IFT140: variants seen among roughly 807,000 people sequenced by gnomAD.
The protein encoded by IFT140 is intraflagellar transport protein 140 homolog.
In IFT140, 133 loss-of-function variants were observed where a neutral mutation model predicts 164.6. That is an observed-to-expected ratio of 0.81 (90% confidence interval 0.70 to 0.93). The LOEUF (loss-of-function observed/expected upper bound fraction) is 0.93, where lower values mean the gene tolerates loss of function less well. IFT140 is among the 40% of genes least tolerant of loss of function. The pLI, the probability that IFT140 is intolerant of heterozygous loss-of-function variation, is 0.00. For missense variants in IFT140, 2,045 were observed against 1,972.3 expected, an observed-to-expected ratio of 1.04 and a Z score of -0.70; for synonymous variants, 860 against 817.3, an observed-to-expected ratio of 1.05 and a Z score of -0.89.
intron 29 of IFT140, 116 bp downstream of exon 29, chr16:1,519,765 C>G: frequency 1.0e-6 from 1 of 998,412 alleles, no homozygotes; most frequent in African/African-American, 1.6e-5. Flanking sequence ...TAGTGCTGTC[C>G]CAAGTGAGCT....
intron 30 of IFT140, chr16:1,512,960 G>A (rs996106689): frequency 2.6e-5 from 4 of 152,256 alleles, no homozygotes; most frequent in Non-Finnish European, 5.9e-5. Context: ...CCCTGAGGGA[G>A]AGCCACTGCC....
intron 3 of IFT140, among the ~76,000 whole-genome samples, chr16:1,604,993 C>T (rs1225812675): frequency 1.3e-5 from 2 of 152,116 alleles, no homozygotes; most frequent in Non-Finnish European, 2.9e-5. Flanking sequence ...CTCCTTGAAA[C>T]ACCCTAGAGA....
At chr16:1,593,655 C>T (rs1333438051) in intron 4 of IFT140, among the ~76,000 whole-genome samples, 1 of 152,084 alleles carries the variant, frequency 6.6e-6, no homozygotes, top group East Asian at 1.9e-4. Context: ...TGGGATGCCC[C>T]TCCACTGGGA....
chr16:1,600,401 A>G (rs1470631304), intron 4 of IFT140, among the ~76,000 whole-genome samples: 1 of 146,392 alleles, frequency 6.8e-6, no homozygotes, highest in Admixed American at 6.9e-5. Context: ...CTATTGTCCC[A>G]TGACCCTGCC....
intron 30 of IFT140, 34 bp from the exon 31 acceptor site, chr16:1,511,184 C>T: frequency 6.4e-7 from 1 of 1,568,030 alleles, no homozygotes. Flanking sequence ...CTCAGCTTTC[C>T]TGAACAACCA....
intron 19 of IFT140, chr16:1,542,045 G>A (rs1362800564): frequency 1.2e-6 from 2 of 1,610,500 alleles, no homozygotes; most frequent in Non-Finnish European, 1.7e-6. Flanking sequence ...CGTGCTGGGA[G>A]GAGGCCATGG....
At chr16:1,596,982 T>C (rs2035495708) in intron 4 of IFT140, among the ~76,000 whole-genome samples, 1 of 152,144 alleles carries the variant, frequency 6.6e-6, no homozygotes, top group Admixed American at 6.6e-5. Flanking sequence ...CCAGCTCTCC[T>C]TGTGAAGAGC....
At chr16:1,545,835 C>T (rs2032123904) in intron 19 of IFT140, among the ~76,000 whole-genome samples, 1 of 152,222 alleles carries the variant, frequency 6.6e-6, no homozygotes, top group African/African-American at 2.4e-5. Flanking sequence ...TTTCTGGGCT[C>T]AGTGCCATGC....
chr16:1,525,093 C>T (rs1159624383), intron 22 of IFT140, 138 bp downstream of exon 22: 2 of 1,183,808 alleles, frequency 1.7e-6, no homozygotes, highest in African/African-American at 3.0e-5. Context: ...AGGGCCCTGG[C>T]ATGGCTCTGA....
chr16:1,534,593 C>G (rs528905715), intron 19 of IFT140: 27 of 1,595,778 alleles, frequency 1.7e-5, no homozygotes, highest in Non-Finnish European at 2.3e-5. Flanking sequence ...TCAGCGTGGC[C>G]GAGGCTCGAG....
At position 1,602,588 on chromosome 16, in the gene IFT140, C is replaced by G; in HGVS notation, c.151G>C (p.Glu51Gln). 6.2e-7 allele frequency: 1 copy of G among 1,610,734 alleles called. No individual in the cohort carries two copies. The highest frequency in any genetic ancestry group is 8.5e-7 in the Non-Finnish European group (1 of 1,179,862). The change falls in exon 4 of 31, where the codon GAG becomes CAG. Residue 51 changes from glutamate to glutamine, a missense_variant. Transcript: ENST00000426508. ...GSVDIYLEQG[E>Q]CVPDTHVERP... is the part of the protein sequence containing the mutation. The stretch of plus-strand genomic sequence containing the variant: ...TCGACGTGTGTATCTGGCACGCACT[C>G]CCCCTGCATTGGATGAGAGGCAAAT...
chr16:1,604,193 C>G (rs986351105), intron 3 of IFT140, among the ~76,000 whole-genome samples: 39 of 152,124 alleles, frequency 2.6e-4, no homozygotes, highest in African/African-American at 9.4e-4. Context: ...TCTGGCACGG[C>G]CTTCGCAAAG....
intron 19 of IFT140, chr16:1,534,198 G>A: frequency 1.9e-6 from 3 of 1,569,140 alleles, no homozygotes; most frequent in Non-Finnish European, 1.7e-6. Flanking sequence ...ACCCCTAGCA[G>A]CGTCGGCTCT....
chr16:1,611,802 A>G (rs1056313247), intron 1 of IFT140, among the ~76,000 whole-genome samples, 166 bp downstream of exon 1: 1 of 150,882 alleles, frequency 6.6e-6, no homozygotes, highest in Non-Finnish European at 1.5e-5. Flanking sequence ...CGACAGAGCG[A>G]AACTCCGTCT....
At chr16:1,513,815 A>G (rs1218089341) in intron 30 of IFT140, among the ~76,000 whole-genome samples, 3 of 148,754 alleles carry the variant, frequency 2.0e-5, no homozygotes, top group South Asian at 2.2e-4. Context: ...CTGGGACTAC[A>G]GGCGCCCACC....
rs1308084071 is a variant in IFT140 at position 1,554,656 on chromosome 16, G to A, written c.2399+3279C>T. On this transcript the variant is annotated intron_variant, in intron 19 of 30. Transcript: ENST00000426508. ...GGAAGGATAAAGCAGGCTGGAACCC[G>A]CTCTAGGACAGAGGGCTGGGGAAGG... 14 of 1,395,532 alleles carry A rather than the reference G, an allele frequency of 1.0e-5. No individual in the cohort carries two copies. The East Asian group carries it at 1.6e-4, about 16-fold the overall frequency. 86.4% of individuals were successfully genotyped at this position (1,395,532 alleles called of 1,614,324 possible). A position where few individuals can be genotyped will look rare whatever the true frequency, so the allele number is the denominator to read the frequency against.
chr16:1,590,931 C>G (rs1395911456), intron 6 of IFT140, among the ~76,000 whole-genome samples: 1 of 152,136 alleles, frequency 6.6e-6, no homozygotes, highest in Non-Finnish European at 1.5e-5. Context: ...CCAGCACAAA[C>G]TCTTACCCAG....
At chr16:1,599,639 G>A (rs1355676895) in intron 4 of IFT140, among the ~76,000 whole-genome samples, 3 of 65,826 alleles carry the variant, frequency 4.6e-5, no homozygotes, top group African/African-American at 1.9e-4. Context: ...CGCCCCGTCC[G>A]GGAGGGAGGT....
At chr16:1,580,881 G>A (rs2034523442) in intron 12 of IFT140, 31 bp from the exon 13 acceptor site, 2 of 1,483,202 alleles carry the variant, frequency 1.3e-6, no homozygotes, top group East Asian at 2.3e-5. Context: ...CAGGATGGCG[G>A]CCGCTCATCC....
Sources: gnomAD v4.1 joint callset for allele counts (sites outside exome capture counted in the v4.1 genomes callset) on GRCh38, gnomAD v4.1.1 for gene constraint, MANE v1.5 for transcripts, NCBI Gene and HGNC (gene_info 2026-07-23, HGNC 2026-07-21) for gene names.